Variants in COL4A6 observed in about 807,000 individuals in gnomAD.
COL4A6 encodes collagen alpha-6(IV) chain.
In COL4A6, 59 loss-of-function variants were observed where a neutral mutation model predicts 126.7. The ratio of observed to expected loss-of-function variants is 0.47; its 90% CI spans 0.38 to 0.58. The LOEUF is 0.58. Ranked by LOEUF, COL4A6 falls within the 20% of genes least tolerant of loss-of-function variation. The probability of loss-of-function intolerance (pLI) is 0.00; values close to 1 mark genes in which losing one functional copy is unlikely to be tolerated. For synonymous variants in COL4A6, 547 were observed against 496.6 expected (o/e 1.10, Z -1.35); for missense variants, 1,285 against 1,337.3 (o/e 0.96, Z 0.61).
At chrX:108,305,621 A>T (rs1309662731) in intron 3 of COL4A6, among the ~76,000 whole-genome samples, 1 of 112,077 alleles carries the variant, frequency 8.9e-6, no homozygotes, top group Non-Finnish European at 1.9e-5. Flanking sequence ...GCAAGAAATT[A>T]TATGAGCCTA....
intron 2 of COL4A6, among the ~76,000 whole-genome samples, chrX:108,418,658 A>G (rs2041478012): frequency 8.9e-6 from 1 of 112,537 alleles, no homozygotes; most frequent in Non-Finnish European, 1.9e-5. Flanking sequence ...GTGCTTCTAC[A>G]TAAAATAATA....
At chrX:108,285,748 G>A (rs2037988527) in intron 3 of COL4A6, among the ~76,000 whole-genome samples, 1 of 111,686 alleles carries the variant, frequency 9.0e-6, no homozygotes. Flanking sequence ...GAGAAGAATG[G>A]CATCCACTTT....
rs1387584030 is a variant in COL4A6, at chrX:108,188,540, C to T, written c.1564G>A (p.Ala522Thr). Reference sequence around the variant, plus strand: ...ACTGGAGCCCCTGCTGGGCCCTGTGCACCCCCAGAGCCTCGATCTCCTCTG... The same window carrying T: ...ACTGGAGCCCCTGCTGGGCCCTGTGTACCCCCAGAGCCTCGATCTCCTCTG... ...GARGDRGSGG[A>T]QGPAGAPGLV... Residue 522 changes from alanine (A) to threonine (T), a missense_variant, in exon 21 of 45, where the codon GCA becomes ACA. Ala to Thr is a moderately conservative substitution (Grantham distance 58). Coordinates refer to ENST00000334504, the MANE Select transcript of COL4A6 (RefSeq NM_033641.4). 10 of 1,148,211 alleles carry T rather than the reference C, an allele frequency of 8.7e-6. No homozygotes were observed. The highest frequency in any genetic ancestry group is 1.2e-5 in the Non-Finnish European group (10 of 864,178). The allele number at this position is 1,148,211 out of a possible 1,213,427, so 94.6% of individuals were successfully genotyped here. A position where few individuals can be genotyped will look rare whatever the true frequency, so the allele number is the denominator to read the frequency against.
In COL4A6 at chrX:108,171,134, T is replaced by C. The variant is rs144743824; in HGVS notation, c.3278-217A>G. Among the ~76,000 whole-genome samples the C allele has an allele frequency of 0.029, 3,303 of 112,147 alleles. 111 individuals carry two copies. The highest frequency in any genetic ancestry group is 0.1 in the African/African-American group (3,136 of 30,793). On this transcript the variant is annotated intron_variant, in intron 33 of 44. Transcript: ENST00000334504. ...TCCCTTCAGAAGTGGGAGCAATAAG[T>C]GGAAATGTTCAAGAAGGACAGTTTA...
intron 5 of COL4A6, among the ~76,000 whole-genome samples, chrX:108,216,558 A>G (rs2035861651): frequency 8.9e-6 from 1 of 112,700 alleles, no homozygotes; most frequent in Non-Finnish European, 1.9e-5. Context: ...CACAGGACTG[A>G]GCTCTACCTC....
intron 27 of COL4A6, 61 bp from the exon 28 acceptor site, chrX:108,177,072 G>T: frequency 9.5e-7 from 1 of 1,056,738 alleles, no homozygotes; most frequent in African/African-American, 1.8e-5. Context: ...CCAGATCTGG[G>T]CCACTGCCTA....
chrX:108,183,670 G>A lies in COL4A6; in HGVS notation c.1952-2702C>T, dbSNP rs969120670. ...TGAGACAAAGGTAAACAAAAAAGGG[G>A]TGTTTAGCTAAGACTAGTGTCTGAG... On this transcript the variant is annotated intron_variant, in intron 23 of 44. Transcript: ENST00000334504. The A allele has an allele frequency of 6.2e-6, 5 of 804,397 alleles. No homozygotes were observed. In the African/African-American group the frequency reaches 1.1e-4, roughly 17 times the overall value. The allele number at this position is 804,397 out of a possible 1,213,427, so 66.3% of individuals were successfully genotyped here. A position where few individuals can be genotyped will look rare whatever the true frequency, so the allele number is the denominator to read the frequency against.
At chrX:108,429,169 C>T (rs1039459195) in intron 2 of COL4A6, among the ~76,000 whole-genome samples, 7 of 112,128 alleles carry the variant, frequency 6.2e-5, no homozygotes, top group African/African-American at 2.3e-4. Flanking sequence ...ATGCTGATTA[C>T]ATTTACATGA....
intron 2 of COL4A6, among the ~76,000 whole-genome samples, chrX:108,353,497 T>C (rs1603145779): frequency 8.9e-6 from 1 of 112,160 alleles, no homozygotes; most frequent in African/African-American, 3.2e-5. Flanking sequence ...GAGAAAAGGC[T>C]AAAGGAATTC....
chrX:108,410,484 A>G (rs921269101), intron 2 of COL4A6, among the ~76,000 whole-genome samples: 17 of 111,264 alleles, frequency 1.5e-4, no homozygotes, highest in Non-Finnish European at 3.0e-4. Context: ...ATTGATGTAC[A>G]CTTTTCTAAA....
intron 3 of COL4A6, among the ~76,000 whole-genome samples, chrX:108,273,566 G>T (rs756870043): frequency 1.8e-5 from 2 of 112,243 alleles, no homozygotes; most frequent in East Asian, 5.6e-4. Flanking sequence ...CAATAGCAAA[G>T]ACTTGGAACC....
At chrX:108,238,402 C>T (rs923845557) in intron 3 of COL4A6, among the ~76,000 whole-genome samples, 1 of 109,177 alleles carries the variant, frequency 9.2e-6, no homozygotes. Context: ...TCACCACACC[C>T]GGGCGTGTGT....
intron 3 of COL4A6, among the ~76,000 whole-genome samples, chrX:108,258,006 G>A (rs2037051179): frequency 8.9e-6 from 1 of 111,816 alleles, no homozygotes. Flanking sequence ...ATGTTTGTCA[G>A]AAGTTGAAGG....
chrX:108,275,725 T>C (rs1414226510), intron 3 of COL4A6, among the ~76,000 whole-genome samples: 1 of 112,856 alleles, frequency 8.9e-6, no homozygotes, highest in Non-Finnish European at 1.9e-5. Context: ...CAATGTATAA[T>C]CTAAGGGGGA....
At chrX:108,206,444 A>G (rs1297912204) in intron 9 of COL4A6, 74 bp downstream of exon 9, 7 of 1,058,498 alleles carry the variant, frequency 6.6e-6, no homozygotes, top group Non-Finnish European at 9.3e-6. Context: ...ACAGGTTTAC[A>G]TTGAATCCAT....
Position 108,309,801 on chromosome X carries a change from A to AACACACAC in COL4A6, c.144+939_144+946dup, listed in dbSNP as rs4036315. ...CTGTAGGATGGCCATTAATCCTGGA[A>AACACACAC]ACACACACACACACACACACACACA... On this transcript the variant is annotated intron_variant, in intron 3 of 44. Coordinates refer to ENST00000334504, the MANE Select transcript of COL4A6 (RefSeq NM_033641.4). Among the ~76,000 whole-genome samples, 272 of 80,892 alleles carry AACACACAC rather than the reference A, an allele frequency of 3.4e-3. 1 individual carries two copies. Among genetic ancestry groups the AACACACAC allele is most frequent in the Middle Eastern group, 6.4e-3 (1 of 156 alleles). The allele number at this position is 80,892 out of a possible 115,157, so 70.2% of individuals were successfully genotyped here. A position where few individuals can be genotyped will look rare whatever the true frequency, so the allele number is the denominator to read the frequency against.
intron 3 of COL4A6, among the ~76,000 whole-genome samples, chrX:108,241,465 TG>T (rs1158123482): frequency 9.3e-6 from 1 of 107,105 alleles, no homozygotes; most frequent in Non-Finnish European, 1.9e-5. Flanking sequence ...CAGGAAATAG[TG>T]CTATTATGAT....
intron 13 of COL4A6, among the ~76,000 whole-genome samples, chrX:108,199,244 G>T (rs944514584): frequency 2.7e-5 from 3 of 110,699 alleles, no homozygotes; most frequent in Non-Finnish European, 5.7e-5. Context: ...CTTGTTTCTC[G>T]GTGAGTGTGG....
chrX:108,204,374 TG>T lies in COL4A6; in HGVS notation c.725del (p.Pro242HisfsTer30). The T allele has an allele frequency of 8.3e-7, 1 of 1,207,416 alleles. No individual in the cohort carries two copies. On this transcript the variant is annotated frameshift_variant, in exon 12 of 45. Coordinates refer to ENST00000334504, the MANE Select transcript of COL4A6 (RefSeq NM_033641.4). LOFTEE classifies it high-confidence loss of function. The stretch of plus-strand genomic sequence containing the variant: ...CCATGAATTCCAGCTCTCCAGTAGA[TG>T]GTGGAGGTCCTGCTGGGCCAGGGAG... ...VGLPGPAGPP[P>X]STGELEFMGF...
Sources: allele counts gnomAD v4.1 joint callset (sites outside exome capture counted in the v4.1 genomes callset), GRCh38; gene constraint gnomAD v4.1.1; transcripts MANE v1.5; gene names NCBI Gene and HGNC (gene_info 2026-07-23, HGNC 2026-07-21).